USP34: variants seen among roughly 807,000 people sequenced by gnomAD.
USP34 encodes ubiquitin carboxyl-terminal hydrolase 34.
Under a neutral mutation model 460.3 loss-of-function variants are expected in USP34, and 70 were observed. That is an observed-to-expected ratio of 0.15 (90% confidence interval 0.13 to 0.19). USP34 has a LOEUF of 0.19. Ranked by LOEUF, USP34 falls within the 10% of genes least tolerant of loss-of-function variation. The pLI is 1.00. For synonymous variants in USP34, 1,647 were observed against 1,405.3 expected (o/e 1.17, Z -3.85); for missense variants, 3,985 against 4,236.2 (o/e 0.94, Z 1.65).
At chr2:61,270,340 C>T (rs747772204) in intron 41 of USP34, among the ~76,000 whole-genome samples, 3 of 152,200 alleles carry the variant, frequency 2.0e-5, no homozygotes, top group Admixed American at 2.0e-4. Flanking sequence ...CTTCACAAGA[C>T]ACTGTGAATC....
rs1374243155 is a variant in USP34, at chr2:61,223,393, T to C, written c.7596-97A>G. The C allele has an allele frequency of 4.1e-6, 5 of 1,234,128 alleles. No individual in the cohort carries two copies. The African/African-American group carries it at 4.5e-5, about 11-fold the overall frequency. The allele number at this position is 1,234,128 out of a possible 1,614,324, so 76.4% of individuals were successfully genotyped here. ...TCAAAAATTGTTGATTCAATTATAA[T>C]TGTATTAACCTGCCATCATAAAATG... On this transcript the variant is annotated intron_variant, in intron 62 of 79. Transcript: ENST00000398571.
chr2:61,320,316 T>C (rs181766441), intron 21 of USP34, among the ~76,000 whole-genome samples: 105 of 152,332 alleles, frequency 6.9e-4, no homozygotes, highest in Middle Eastern at 6.8e-3. Flanking sequence ...AGCCATTCCA[T>C]TGCAGATTGC....
intron 1 of USP34, among the ~76,000 whole-genome samples, chr2:61,457,054 TG>T (rs1695461332): frequency 6.6e-6 from 1 of 152,054 alleles, no homozygotes; most frequent in East Asian, 1.9e-4. Flanking sequence ...AACAGAAGGA[TG>T]GTTTGAGCCC....
At chr2:61,265,748 A>G in intron 42 of USP34, 191 bp from the exon 43 acceptor site, 1 of 731,632 alleles carries the variant, frequency 1.4e-6, no homozygotes, top group South Asian at 6.4e-5. Context: ...AAGACTTTTA[A>G]AACTTGATTT....
chr2:61,398,387 G>A (rs574449832), intron 3 of USP34, among the ~76,000 whole-genome samples: 1 of 149,054 alleles, frequency 6.7e-6, no homozygotes, highest in Middle Eastern at 3.4e-3. Flanking sequence ...GAGAGAGATG[G>A]GGGAGGACAG....
intron 2 of USP34, among the ~76,000 whole-genome samples, chr2:61,417,739 C>CT (rs1694237952): frequency 1.2e-5 from 1 of 81,096 alleles, no homozygotes; most frequent in African/African-American, 4.9e-5. Context: ...TTCTTTTTTT[C>CT]TTTTCTTTTT....
chr2:61,421,332 A>G (rs1016232711), intron 1 of USP34, among the ~76,000 whole-genome samples: 4 of 152,200 alleles, frequency 2.6e-5, no homozygotes, highest in Non-Finnish European at 5.9e-5. Context: ...GCCACAGAGC[A>G]TACCTTCCTT....
chr2:61,400,632 CCAAAGCCAGGAGCT>C (rs1364602874), intron 3 of USP34, among the ~76,000 whole-genome samples: 4 of 151,950 alleles, frequency 2.6e-5, no homozygotes, highest in South Asian at 2.1e-4. Flanking sequence ...GGAAGATTGC[CCAAAGCCAGGAGCT>C]CAAAGCCAGC....
rs1052812227 is a variant in USP34 at position 61,248,203 on chromosome 2, A to C, written c.6394+308T>G. Among the ~76,000 whole-genome samples, 10 of 151,350 alleles carry C rather than the reference A, an allele frequency of 6.6e-5. No homozygotes were observed. In the East Asian group the frequency reaches 1.7e-3, roughly 26 times the overall value. ...AGAAGACCAAAAAAAAAAAAAAAAAAAAACCCCCACAAAAAACAACATAAA... is the reference window on the plus strand; with the variant it reads ...AGAAGACCAAAAAAAAAAAAAAAAACAAACCCCCACAAAAAACAACATAAA... On this transcript the variant is annotated intron_variant, in intron 49 of 79. Transcript: ENST00000398571.
At position 61,281,321 on chromosome 2, in the gene USP34, G is replaced by T. The variant is rs1572897438; in HGVS notation, c.4999-79C>A. 3 of 1,477,928 alleles carry T rather than the reference G, an allele frequency of 2.0e-6. No individual in the cohort carries two copies. In the South Asian group the frequency reaches 4.1e-5, roughly 20 times the overall value. 91.6% of individuals were successfully genotyped at this position (1,477,928 alleles called of 1,614,324 possible). ...TATGTTAGCAGAAATAATTTTAGGT[G>T]ATTTTAAATACAATGTTCTGCCGGG... is the stretch of plus-strand genomic sequence containing the variant. On this transcript the variant is annotated intron_variant, in intron 37 of 79. Coordinates refer to ENST00000398571, the MANE Select transcript of USP34 (RefSeq NM_014709.4).
rs369130574 is a variant in USP34, at chr2:61,339,689, GAAAA to G, written c.2501-12_2501-9del. On this transcript the variant is annotated splice_polypyrimidine_tract_variant and intron_variant, in intron 16 of 79. Coordinates refer to ENST00000398571, the MANE Select transcript of USP34 (RefSeq NM_014709.4). ...GTTTATGAACTACAGGTCCTGAAGA[GAAAA>G]AAAAAAAAAAGACACACTATAGAGA... The G allele has an allele frequency of 1.4e-4, 141 of 1,001,012 alleles. No individual in the cohort carries two copies. Among genetic ancestry groups the G allele is most frequent in the South Asian group, 5.2e-4 (18 of 34,544 alleles). 62.0% of individuals were successfully genotyped at this position (1,001,012 alleles called of 1,614,324 possible).
At chr2:61,313,658 T>C (rs1370697699) in intron 25 of USP34, among the ~76,000 whole-genome samples, 1 of 152,168 alleles carries the variant, frequency 6.6e-6, no homozygotes, top group Admixed American at 6.5e-5. Flanking sequence ...AAGAAGTTTC[T>C]GTGTAAAAAA....
chr2:61,230,714 C>T (rs770886738), intron 58 of USP34, among the ~76,000 whole-genome samples: 7 of 151,704 alleles, frequency 4.6e-5, no homozygotes, highest in Admixed American at 6.6e-5. Context: ...CACGGTGGTG[C>T]GCGCCTGTAA....
At chr2:61,204,713 A>G (rs968931218) in intron 72 of USP34, 112 bp from the exon 73 acceptor site, 1 of 785,810 alleles carries the variant, frequency 1.3e-6, no homozygotes, top group African/African-American at 1.7e-5. Flanking sequence ...TAATGAGTCT[A>G]AAACTAAGCT....
intron 49 of USP34, among the ~76,000 whole-genome samples, chr2:61,246,900 G>A (rs1688430983): frequency 6.6e-6 from 1 of 152,000 alleles, no homozygotes. Flanking sequence ...TTTACTAGGA[G>A]CAGACAAACC....
At chr2:61,420,948 T>A in intron 1 of USP34, 115 bp from the exon 2 acceptor site, 1 of 668,194 alleles carries the variant, frequency 1.5e-6, no homozygotes, top group Non-Finnish European at 2.3e-6. Flanking sequence ...ATCATTCTTT[T>A]GCTTCCAAAG....
chr2:61,288,846 T>C lies in USP34; in HGVS notation c.4580A>G (p.Lys1527Arg). ...WQLDCLACLL[K>R]LICQFAVDPS... ...ATCTACTGCAAACTGGCATATTAAC[T>C]TCAGCAAGCAAGCAAGACAGTCTAG... The change falls in exon 34 of 80, where the codon AAG becomes AGG. Residue 1527 changes from lysine to arginine, a missense_variant. Around this residue, in one of 14 missense-constraint regions of USP34, gnomAD observed 1,114 missense variants for 1,122.5 expected, o/e 0.99. Coordinates refer to ENST00000398571, the MANE Select transcript of USP34 (RefSeq NM_014709.4). 1.2e-6 allele frequency: 2 copies of C among 1,613,398 alleles called. No individual in the cohort carries two copies. Among genetic ancestry groups the C allele is most frequent in the African/African-American group, 2.7e-5 (2 of 75,048 alleles).
chr2:61,439,302 G>A (rs747485397), intron 1 of USP34, among the ~76,000 whole-genome samples: 13 of 152,110 alleles, frequency 8.5e-5, no homozygotes, highest in Non-Finnish European at 1.9e-4. Context: ...CAGCTGTGTA[G>A]AGCCACTTGA....
At chr2:61,371,639 T>A (rs1193948820) in intron 8 of USP34, among the ~76,000 whole-genome samples, 1 of 152,146 alleles carries the variant, frequency 6.6e-6, no homozygotes, top group Non-Finnish European at 1.5e-5. Flanking sequence ...AAAAAATTTT[T>A]AAATAATTTG....
Sources: gnomAD v4.1 joint callset for allele counts (sites outside exome capture counted in the v4.1 genomes callset) on GRCh38, gnomAD v4.1.1 for gene constraint, gnomAD v4.1.1 regional missense constraint, MANE v1.5 for transcripts, NCBI Gene and HGNC (gene_info 2026-07-23, HGNC 2026-07-21) for gene names.